Variants in ZNG1B observed in about 807,000 individuals in gnomAD.
ZNG1B encodes Zn regulated GTPase metalloprotein activator 1B.
chr2:113,457,981 T>A, the ZNG1B span, among the ~76,000 whole-genome samples: 1 of 146,104 alleles, frequency 6.8e-6, no homozygotes, highest in Non-Finnish European at 1.5e-5. Flanking sequence ...TTGAATATGT[T>A]GGATTAATTA....
the ZNG1B span, among the ~76,000 whole-genome samples, chr2:113,468,055 G>A: frequency 6.6e-5 from 10 of 151,930 alleles, no homozygotes; most frequent in Non-Finnish European, 1.3e-4. Flanking sequence ...GGAAATACAG[G>A]AAGGAGGAGC....
At chr2:113,463,303 T>C in the ZNG1B span, among the ~76,000 whole-genome samples, 6 of 152,152 alleles carry the variant, frequency 3.9e-5, no homozygotes, top group Admixed American at 6.5e-5. Context: ...CTATTATTAT[T>C]GGTTATCTTT....
chr2:113,467,051 G>C, the ZNG1B span, among the ~76,000 whole-genome samples: 11 of 132,692 alleles, frequency 8.3e-5, no homozygotes, highest in East Asian at 2.2e-3. Flanking sequence ...GTGACAGAGC[G>C]AGACTCTGTC....
chr2:113,442,408 G>A, the ZNG1B span, among the ~76,000 whole-genome samples: 1 of 152,046 alleles, frequency 6.6e-6, no homozygotes, highest in Non-Finnish European at 1.5e-5. Flanking sequence ...CTTTTAAAAT[G>A]TACTATTTTT....
the ZNG1B span, among the ~76,000 whole-genome samples, chr2:113,492,053 G>A: frequency 2.3e-4 from 31 of 136,124 alleles, 6 homozygotes; most frequent in Admixed American, 4.8e-4. Flanking sequence ...ATGTAAACTA[G>A]TACAACCACT....
the ZNG1B span, chr2:113,439,071 A>G: frequency 1.3e-6 from 2 of 1,542,640 alleles, no homozygotes; most frequent in South Asian, 1.2e-5. Flanking sequence ...TGTCCAAAAC[A>G]ATGTATTTCA....
the ZNG1B span, among the ~76,000 whole-genome samples, chr2:113,459,530 T>C: frequency 2.9e-3 from 431 of 148,732 alleles, 3 homozygotes; most frequent in African/African-American, 0.01. Context: ...ACTTGATGGG[T>C]GTGTGTTCAA....
At chr2:113,477,538 C>T in the ZNG1B span, among the ~76,000 whole-genome samples, 1 of 152,184 alleles carries the variant, frequency 6.6e-6, no homozygotes. Flanking sequence ...CATCTTGGCT[C>T]CTCTCTCCTC....
the ZNG1B span, among the ~76,000 whole-genome samples, chr2:113,486,599 A>T: frequency 1.3e-5 from 2 of 152,082 alleles, no homozygotes; most frequent in Non-Finnish European, 2.9e-5. Flanking sequence ...TGCAAAAAAT[A>T]CAAAAAATTA....
the ZNG1B span, among the ~76,000 whole-genome samples, chr2:113,464,718 T>TATAG: frequency 6.6e-6 from 1 of 150,488 alleles, no homozygotes; most frequent in East Asian, 2.0e-4. Flanking sequence ...TTAGTGTGTA[T>TATAG]ATAGCCATTT....
At chr2:113,451,863 A>T in the ZNG1B span, among the ~76,000 whole-genome samples, 12 of 152,082 alleles carry the variant, frequency 7.9e-5, no homozygotes, top group Non-Finnish European at 1.3e-4. Context: ...ATGAATTTTT[A>T]AAAATTACAA....
chr2:113,481,036 C>T, the ZNG1B span, among the ~76,000 whole-genome samples: 2 of 150,852 alleles, frequency 1.3e-5, no homozygotes, highest in Non-Finnish European at 2.9e-5. Flanking sequence ...AAATCGAGGC[C>T]ATGAAATTCT....
At chr2:113,437,766 A>C in the ZNG1B span, 996 of 1,529,428 alleles carry the variant, frequency 6.5e-4, 9 homozygotes, top group African/African-American at 0.012. Context: ...TGATGACGTC[A>C]GGCCCCGGGC....
the ZNG1B span, among the ~76,000 whole-genome samples, chr2:113,489,775 T>A: frequency 1.1e-4 from 17 of 149,612 alleles, no homozygotes; most frequent in Admixed American, 1.0e-3. Flanking sequence ...AAGAGGGACA[T>A]TATATAATGA....
the ZNG1B span, among the ~76,000 whole-genome samples, chr2:113,456,797 G>A: frequency 3.9e-5 from 6 of 152,140 alleles, no homozygotes; most frequent in Non-Finnish European, 5.9e-5. Flanking sequence ...TTTCCAACTT[G>A]TCCAATTCCT....
At chr2:113,463,503 A>AT in the ZNG1B span, among the ~76,000 whole-genome samples, 1 of 152,090 alleles carries the variant, frequency 6.6e-6, no homozygotes, top group Non-Finnish European at 1.5e-5. Flanking sequence ...AGAAATTCAT[A>AT]TTTTTTCCAC....
chr2:113,438,002 C>T, the ZNG1B span: 1 of 1,611,934 alleles, frequency 6.2e-7, no homozygotes, highest in South Asian at 1.1e-5. Flanking sequence ...ATCCCAGTCA[C>T]AATTATCACC....
chr2:113,446,414 A>G, the ZNG1B span, among the ~76,000 whole-genome samples: 1 of 152,240 alleles, frequency 6.6e-6, no homozygotes, highest in Non-Finnish European at 1.5e-5. Context: ...TAAAAAATAC[A>G]AAGAAGAAAG....
At chr2:113,457,730 A>G in the ZNG1B span, among the ~76,000 whole-genome samples, 3 of 140,904 alleles carry the variant, frequency 2.1e-5, no homozygotes, top group African/African-American at 7.6e-5. Context: ...TAGTTAACCT[A>G]TCCATCACCT....
Sources: gnomAD v4.1 joint callset for allele counts (sites outside exome capture counted in the v4.1 genomes callset) on GRCh38, gnomAD v4.1.1 for gene constraint, MANE v1.5 for transcripts, NCBI Gene and HGNC (gene_info 2026-07-23, HGNC 2026-07-21) for gene names.